Variants in VIT observed in about 807,000 individuals in gnomAD.
VIT encodes vitrin.
In VIT, 99 loss-of-function variants were observed where a neutral mutation model predicts 78.0. The observed-to-expected ratio is 1.27, with a 90% CI of 1.08 to 1.50. The LOEUF is 1.50. Ranked by LOEUF, VIT falls within the 40% of genes most tolerant of loss-of-function variation. The probability of loss-of-function intolerance (pLI) is 0.00; values close to 1 mark genes in which losing one functional copy is unlikely to be tolerated. For missense variants in VIT, 1,126 were observed against 875.3 expected (o/e 1.29, Z -3.61); for synonymous variants, 374 against 334.3 (o/e 1.12, Z -1.29).
rs1444266822 is a variant in VIT at position 36,743,184 on chromosome 2, A to C, written c.203A>C (p.Asp68Ala). Residue 68 changes from aspartate (D) to alanine (A), a missense_variant, in exon 4 of 16, where the codon GAC becomes GCC. Asp to Ala is a moderately radical substitution (Grantham distance 126). Transcript: ENST00000379242. ...FIVKCPAGCQDPKYHVYGTDV... is the reference protein window; with the variant it reads ...FIVKCPAGCQAPKYHVYGTDV... The stretch of plus-strand genomic sequence containing the variant: ...GTGAAATGTCCAGCAGGATGCCAAG[A>C]CCCCAAATACCATGTTTATGGCACT... The C allele has an allele frequency of 4.3e-6, 7 of 1,613,858 alleles. No individual in the cohort carries two copies. Among genetic ancestry groups the C allele is most frequent in the Non-Finnish European group, 5.9e-6 (7 of 1,179,958 alleles).
chr2:36,730,396 A>G (rs1667127206), intron 3 of VIT, among the ~76,000 whole-genome samples: 1 of 152,128 alleles, frequency 6.6e-6, no homozygotes, highest in South Asian at 2.1e-4. Context: ...AAGTTCCACA[A>G]TCTCCAGGGA....
At chr2:36,708,648 C>G (rs1439755521) in intron 1 of VIT, among the ~76,000 whole-genome samples, 3 of 152,190 alleles carry the variant, frequency 2.0e-5, no homozygotes, top group Non-Finnish European at 2.9e-5. Context: ...CTGAACAACT[C>G]CCAGTTCTGA....
intron 1 of VIT, among the ~76,000 whole-genome samples, chr2:36,703,327 C>A (rs1211399161): frequency 6.6e-6 from 1 of 152,136 alleles, no homozygotes; most frequent in African/African-American, 2.4e-5. Context: ...AGAAGAGGAG[C>A]AGGTGGCTCC....
At chr2:36,770,235 C>T (rs1286124654) in intron 7 of VIT, among the ~76,000 whole-genome samples, 1 of 152,204 alleles carries the variant, frequency 6.6e-6, no homozygotes, top group Non-Finnish European at 1.5e-5. Context: ...AAGATCCCTG[C>T]AGCAAGTCGC....
chr2:36,772,429 G>A (rs750037886), intron 7 of VIT, among the ~76,000 whole-genome samples: 8 of 152,142 alleles, frequency 5.3e-5, no homozygotes, highest in African/African-American at 1.2e-4. Context: ...CCAGCTACTC[G>A]GGAGGCTGAG....
chr2:36,759,093 C>G (rs1668951303), intron 6 of VIT, 47 bp downstream of exon 6: 1 of 1,614,184 alleles, frequency 6.2e-7, no homozygotes, highest in African/African-American at 1.3e-5. Context: ...AGTCCATGAA[C>G]ACGCGACGTG....
chr2:36,800,676 C>T (rs1558701), intron 12 of VIT, among the ~76,000 whole-genome samples: 108,141 of 152,088 alleles, frequency 0.71, 38,721 homozygotes, highest in Admixed American at 0.82. Context: ...TGGGGATTCA[C>T]TTGTAGAGAG....
At chr2:36,726,832 A>AC (rs1164747181) in intron 2 of VIT, among the ~76,000 whole-genome samples, 4 of 148,036 alleles carry the variant, frequency 2.7e-5, no homozygotes, top group Non-Finnish European at 5.9e-5. Context: ...AAAAAAAAAA[A>AC]AAAAAAAAAA....
intron 4 of VIT, among the ~76,000 whole-genome samples, chr2:36,748,899 G>A (rs1476528458): frequency 6.6e-6 from 1 of 152,160 alleles, no homozygotes; most frequent in Non-Finnish European, 1.5e-5. Context: ...TGGTTTTTCT[G>A]TGAGAGAAGC....
Position 36,799,529 on chromosome 2 carries a change from G to A in VIT, c.1059-1772G>A, listed in dbSNP as rs568420416. On this transcript the variant is annotated intron_variant, in intron 12 of 15. Transcript: ENST00000379242. ...TCCACGCTTTTAAGACCAGCCAGGGGCAACATAGCAAGACCTTGTCTTTAC... is the reference window on the plus strand; with the variant it reads ...TCCACGCTTTTAAGACCAGCCAGGGACAACATAGCAAGACCTTGTCTTTAC... 4.7e-4 allele frequency among the ~76,000 whole-genome samples: 71 copies of A among 152,146 alleles called. 1 individual carries two copies. Among genetic ancestry groups the A allele is most frequent in the Middle Eastern group, 3.4e-3 (1 of 292 alleles).
chr2:36,759,719 A>G (rs1668991242), intron 6 of VIT: 15 of 954,264 alleles, frequency 1.6e-5, no homozygotes, highest in Middle Eastern at 5.4e-4. Flanking sequence ...TAGGCTAGCT[A>G]ATACATTATG....
intron 10 of VIT, 115 bp from the exon 11 acceptor site, chr2:36,783,225 G>A: frequency 1.1e-6 from 1 of 891,828 alleles, no homozygotes; most frequent in Non-Finnish European, 1.7e-6. Flanking sequence ...AGCACAGTTA[G>A]CTTTAAGCCA....
At chr2:36,729,899 A>T (rs1243648011) in intron 3 of VIT, among the ~76,000 whole-genome samples, 1 of 152,212 alleles carries the variant, frequency 6.6e-6, no homozygotes, top group Non-Finnish European at 1.5e-5. Context: ...AGCAGAAGGC[A>T]AATCTCGCAA....
At chr2:36,725,760 G>T (rs759478920) in intron 2 of VIT, among the ~76,000 whole-genome samples, 4 of 152,244 alleles carry the variant, frequency 2.6e-5, no homozygotes, top group Non-Finnish European at 4.4e-5. Context: ...CTAAATTGAT[G>T]ATCTGTGTTC....
At chr2:36,709,101 G>C (rs1227806518) in intron 1 of VIT, among the ~76,000 whole-genome samples, 1 of 152,146 alleles carries the variant, frequency 6.6e-6, no homozygotes, top group East Asian at 1.9e-4. Context: ...AGTGAGCCCA[G>C]ATCACGCCAC....
At chr2:36,717,728 G>C (rs1666255359) in intron 2 of VIT, among the ~76,000 whole-genome samples, 1 of 152,162 alleles carries the variant, frequency 6.6e-6, no homozygotes, top group Non-Finnish European at 1.5e-5. Context: ...GTGGAGCATT[G>C]TGAAACTACT....
intron 3 of VIT, 101 bp from the exon 4 acceptor site, chr2:36,742,999 T>C (rs2148516727): frequency 8.7e-6 from 13 of 1,486,234 alleles, no homozygotes; most frequent in Non-Finnish European, 1.2e-5. Context: ...GCCCAGGCTC[T>C]GGCTTTTAGA....
At chr2:36,793,863 C>T (rs1484326179) in intron 12 of VIT, among the ~76,000 whole-genome samples, 1 of 152,144 alleles carries the variant, frequency 6.6e-6, no homozygotes, top group East Asian at 1.9e-4. Context: ...AGAATAGGTA[C>T]TTTAGGACTG....
At chr2:36,768,170 G>A (rs1408375505) in intron 7 of VIT, among the ~76,000 whole-genome samples, 2 of 152,142 alleles carry the variant, frequency 1.3e-5, no homozygotes, top group Admixed American at 6.5e-5. Context: ...GGTGGCTCAC[G>A]CCTGTAATCC....
Sources: gnomAD v4.1 joint callset for allele counts (sites outside exome capture counted in the v4.1 genomes callset) on GRCh38, gnomAD v4.1.1 for gene constraint, MANE v1.5 for transcripts, NCBI Gene and HGNC (gene_info 2026-07-23, HGNC 2026-07-21) for gene names.